The following CBFA2T3 variants were observed in gnomAD, a reference collection of about 807,000 sequenced individuals.
CBFA2T3 encodes the protein CBFA2/RUNX1 partner transcriptional co-repressor 3, also known as transcriptional corepressor CBFA2T3.
CBFA2T3 carries 31 observed loss-of-function variants against 58.6 expected under a neutral mutation model. That is an observed-to-expected ratio of 0.53 (90% CI 0.40 to 0.71). The LOEUF (loss-of-function observed/expected upper bound fraction) is 0.71. CBFA2T3 is among the 30% of genes least tolerant of loss of function. The pLI, the probability that CBFA2T3 is intolerant of heterozygous loss-of-function variation, is 0.00. For missense variants in CBFA2T3, 1,076 were observed against 963.1 expected (o/e 1.12, Z -1.55); for synonymous variants, 531 against 421.9 (o/e 1.26, Z -3.17).
At chr16:88,942,651 A>C (rs1164964950) in intron 1 of CBFA2T3, among the ~76,000 whole-genome samples, 1 of 152,200 alleles carries the variant, frequency 6.6e-6, no homozygotes, top group East Asian at 1.9e-4. Flanking sequence ...CGGTCTGGTC[A>C]GCTGGGTCAC....
chr16:88,961,520 A>C (rs1972356109), intron 1 of CBFA2T3, among the ~76,000 whole-genome samples: 1 of 142,880 alleles, frequency 7.0e-6, no homozygotes, highest in African/African-American at 2.7e-5. Flanking sequence ...GGACATTCCC[A>C]CTCCATAGTA....
intron 2 of CBFA2T3, 136 bp from the exon 3 acceptor site, chr16:88,898,288 A>G: frequency 1.5e-6 from 1 of 673,534 alleles, no homozygotes; most frequent in East Asian, 2.7e-5. Flanking sequence ...GACTGCCCTC[A>G]GGGGCACCCG....
chr16:88,925,544 G>T (rs1278078396), intron 1 of CBFA2T3, among the ~76,000 whole-genome samples: 1 of 152,196 alleles, frequency 6.6e-6, no homozygotes, highest in African/African-American at 2.4e-5. Flanking sequence ...CGACTCTGAG[G>T]GTGGCAGGCG....
chr16:88,957,038 GC>G (rs1245253862), intron 1 of CBFA2T3, among the ~76,000 whole-genome samples: 2 of 150,394 alleles, frequency 1.3e-5, no homozygotes, highest in Admixed American at 1.3e-4. Context: ...GACTGCGGCA[GC>G]CTGAAGTCGG....
At chr16:88,963,836 C>G (rs955094125) in intron 1 of CBFA2T3, among the ~76,000 whole-genome samples, 1 of 152,226 alleles carries the variant, frequency 6.6e-6, no homozygotes, top group African/African-American at 2.4e-5. Flanking sequence ...CAGGGAGGCT[C>G]GGGTCCGTGC....
chr16:88,960,782 A>G (rs1972336516), intron 1 of CBFA2T3, among the ~76,000 whole-genome samples: 1 of 152,132 alleles, frequency 6.6e-6, no homozygotes, highest in Non-Finnish European at 1.5e-5. Flanking sequence ...CCTTGTTTAC[A>G]CCCCCGTTAG....
chr16:88,944,650 C>G (rs975499698), intron 1 of CBFA2T3, among the ~76,000 whole-genome samples: 1 of 152,240 alleles, frequency 6.6e-6, no homozygotes, highest in Non-Finnish European at 1.5e-5. Context: ...CATCTGATTT[C>G]CCTCTCAACC....
intron 1 of CBFA2T3, among the ~76,000 whole-genome samples, chr16:88,925,344 C>A (rs535747440): frequency 6.6e-6 from 1 of 152,200 alleles, no homozygotes; most frequent in African/African-American, 2.4e-5. Context: ...CGGTGCCTTC[C>A]GGGTACCCTG....
chr16:88,879,222 C>T (rs370590896), intron 11 of CBFA2T3, 48 bp downstream of exon 11: 97 of 1,511,766 alleles, frequency 6.4e-5, no homozygotes, highest in Admixed American at 8.8e-5. Context: ...TGGGACCGCA[C>T]GGGAGCCGAG....
chr16:88,895,506 C>A (rs1347173730), intron 3 of CBFA2T3, among the ~76,000 whole-genome samples: 1 of 152,192 alleles, frequency 6.6e-6, no homozygotes, highest in African/African-American at 2.4e-5. Flanking sequence ...CAGCCCGGCT[C>A]CCCCAGATTG....
chr16:88,935,112 C>G (rs976007523), intron 1 of CBFA2T3, among the ~76,000 whole-genome samples: 2 of 152,206 alleles, frequency 1.3e-5, no homozygotes, highest in Non-Finnish European at 2.9e-5. Context: ...CACAGGGATA[C>G]GTGGAGTCCA....
intron 1 of CBFA2T3, among the ~76,000 whole-genome samples, chr16:88,927,500 TCCCTGCAA>T (rs1475949192): frequency 6.6e-6 from 1 of 152,154 alleles, no homozygotes; most frequent in Non-Finnish European, 1.5e-5. Flanking sequence ...TCCAGGGACC[TCCCTGCAA>T]CCCTTCATGA....
chr16:88,905,605 G>A (rs564391621), intron 1 of CBFA2T3, among the ~76,000 whole-genome samples: 1 of 151,136 alleles, frequency 6.6e-6, no homozygotes, highest in Non-Finnish European at 1.5e-5. Context: ...CTTAGGGGCT[G>A]GAGGAGAGCA....
chr16:88,959,164 G>T (rs1435614104), intron 1 of CBFA2T3, among the ~76,000 whole-genome samples: 2 of 152,222 alleles, frequency 1.3e-5, no homozygotes, highest in East Asian at 1.9e-4. Context: ...TTACTGGCAG[G>T]CACGCCACAT....
In CBFA2T3 at chr16:88,877,020, C is replaced by T. The variant is rs544374884; in HGVS notation, c.1918G>A (p.Gly640Ser). ...EAGSAGPSRP[G>S]SPSPPGPLDT... ...AGTGGGCCAGGTGGGCTGGGGGAGC[C>T]GGGGCGAGAAGGCCCCGCAGAGCCG... is the stretch of plus-strand genomic sequence containing the variant. Residue 640 changes from glycine to serine, a missense_variant, in exon 12 of 12, where the codon GGC (glycine) becomes AGC (serine). Gly to Ser is a moderately conservative substitution (Grantham distance 56). Transcript: ENST00000268679. The T allele has an allele frequency of 1.1e-5, 16 of 1,481,798 alleles. No homozygotes were observed. Among genetic ancestry groups the T allele is most frequent in the African/African-American group, 7.1e-5 (5 of 70,328 alleles). The allele number at this position is 1,481,798 out of a possible 1,614,324, so 91.8% of individuals were successfully genotyped here. A position where few individuals can be genotyped will look rare whatever the true frequency, so the allele number is the denominator to read the frequency against.
Position 88,876,952 on chromosome 16 carries a change from C to A in CBFA2T3, c.*24G>T. ...GGGTGGGGTTGGCACGGTGCTGTGTCCGGCAGGCCAGGGGCCAGTGGGGTC... is the reference window on the plus strand; with the variant it reads ...GGGTGGGGTTGGCACGGTGCTGTGTACGGCAGGCCAGGGGCCAGTGGGGTC... On this transcript the variant is annotated 3_prime_UTR_variant, in exon 12 of 12. Transcript: ENST00000268679. 1 of 1,409,062 alleles carries A rather than the reference C, an allele frequency of 7.1e-7. No homozygotes were observed. The highest frequency in any genetic ancestry group is 2.7e-5 in the East Asian group (1 of 36,968). 87.3% of individuals were successfully genotyped at this position (1,409,062 alleles called of 1,614,324 possible). A position where few individuals can be genotyped will look rare whatever the true frequency, so the allele number is the denominator to read the frequency against.
intron 5 of CBFA2T3, among the ~76,000 whole-genome samples, chr16:88,889,911 G>A (rs1476079152): frequency 7.1e-5 from 9 of 126,042 alleles, no homozygotes; most frequent in Admixed American, 6.6e-4. Context: ...CAGGGACGAC[G>A]CCCCGCGATT....
intron 1 of CBFA2T3, chr16:88,951,220 C>T (rs879245727): frequency 1.5e-4 from 65 of 423,680 alleles, no homozygotes; most frequent in Admixed American, 3.8e-4. Flanking sequence ...TCCCCTGGAC[C>T]GGCACCGGCA....
chr16:88,962,192 T>C (rs956807161), intron 1 of CBFA2T3, among the ~76,000 whole-genome samples: 1 of 152,232 alleles, frequency 6.6e-6, no homozygotes, highest in African/African-American at 2.4e-5. Flanking sequence ...TCCCACTCCA[T>C]AGTAACCGAC....
Sources: gnomAD v4.1 joint callset for allele counts (sites outside exome capture counted in the v4.1 genomes callset) on GRCh38, gnomAD v4.1.1 for gene constraint, MANE v1.5 for transcripts, NCBI Gene and HGNC (gene_info 2026-07-23, HGNC 2026-07-21) for gene names.